EIF2AK3: variants seen among roughly 807,000 people sequenced by gnomAD.
The protein encoded by EIF2AK3 is eukaryotic translation initiation factor 2 alpha kinase 3.
In EIF2AK3, 50 loss-of-function variants were observed where a neutral mutation model predicts 113.5. That is an observed-to-expected ratio of 0.44 (90% CI 0.35 to 0.56). The LOEUF (loss-of-function observed/expected upper bound fraction) is 0.56. Among genes scored for constraint, EIF2AK3 ranks in the 20% least tolerant of loss-of-function variants. The pLI, the probability that EIF2AK3 is intolerant of heterozygous loss-of-function variation, is 0.00. For synonymous variants in EIF2AK3, 448 were observed against 495.4 expected (o/e 0.90, Z 1.27); for missense variants, 1,185 against 1,378.0 (o/e 0.86, Z 2.22).
chr2:88,594,830 T>TAAAAAAAAA (rs58582485), intron 3 of EIF2AK3, among the ~76,000 whole-genome samples: 4 of 115,056 alleles, frequency 3.5e-5, no homozygotes, highest in Non-Finnish European at 5.2e-5. Flanking sequence ...TGTCAAAATG[T>TAAAAAAAAA]AAAAAAAAAA....
chr2:88,559,011 T>G, intron 15 of EIF2AK3, 32 bp from the exon 16 acceptor site: 1 of 1,427,856 alleles, frequency 7.0e-7, no homozygotes, highest in Non-Finnish European at 9.8e-7. Context: ...CTTATTAAGT[T>G]TATTTTGACA....
chr2:88,614,651 T>C lies in EIF2AK3; in HGVS notation c.309-798A>G, dbSNP rs184730856. 2.8e-3 allele frequency among the ~76,000 whole-genome samples: 431 copies of C among 152,282 alleles called. 2 individuals carry two copies. The highest frequency in any genetic ancestry group is 0.01 in the Middle Eastern group (3 of 294). ...TACTTCCCTGACTCCAAGAAACTTCTGACCCTATGAGAACCTACAAGCCAC... is the reference window on the plus strand; with the variant it reads ...TACTTCCCTGACTCCAAGAAACTTCCGACCCTATGAGAACCTACAAGCCAC... On this transcript the variant is annotated intron_variant, in intron 1 of 16. Coordinates refer to ENST00000303236, the MANE Select transcript of EIF2AK3 (RefSeq NM_004836.7).
intron 13 of EIF2AK3, 99 bp downstream of exon 13, chr2:88,574,567 T>C (rs984750664): frequency 1.3e-5 from 18 of 1,428,298 alleles, no homozygotes; most frequent in Non-Finnish European, 1.7e-5. Flanking sequence ...GCTTTTACTC[T>C]CCCCAACTCT....
intron 3 of EIF2AK3, among the ~76,000 whole-genome samples, chr2:88,594,359 G>A (rs1384122642): frequency 6.6e-6 from 1 of 152,166 alleles, no homozygotes; most frequent in Non-Finnish European, 1.5e-5. Flanking sequence ...ACCATCCCCA[G>A]CTAATTTTTT....
rs112158228 is a variant in EIF2AK3, at chr2:88,573,110, C to CTTTTTTTTTTTTT, written c.2817+1543_2817+1555dup. ...TTTCACCCAGGAACAAAAATCTTGG[C>CTTTTTTTTTTTTT]TTTTTTTTTTTTTTTGGTTGGGGGT... On this transcript the variant is annotated intron_variant, in intron 13 of 16. Coordinates refer to ENST00000303236, the MANE Select transcript of EIF2AK3 (RefSeq NM_004836.7). 1.1e-4 allele frequency among the ~76,000 whole-genome samples: 14 copies of CTTTTTTTTTTTTT among 128,338 alleles called. No individual in the cohort carries two copies. The South Asian group carries it at 3.1e-3, about 28-fold the overall frequency. The allele number at this position is 128,338 out of a possible 152,430, so 84.2% of individuals were successfully genotyped here. A position where few individuals can be genotyped will look rare whatever the true frequency, so the allele number is the denominator to read the frequency against.
At chr2:88,577,368 G>A (rs185574808) in intron 11 of EIF2AK3, among the ~76,000 whole-genome samples, 108 of 151,908 alleles carry the variant, frequency 7.1e-4, no homozygotes, top group African/African-American at 2.5e-3. Context: ...TTTCTCTTCT[G>A]GAAATAAATG....
chr2:88,587,068 G>T (rs1043428979), intron 8 of EIF2AK3, among the ~76,000 whole-genome samples: 1 of 151,386 alleles, frequency 6.6e-6, no homozygotes, highest in African/African-American at 2.4e-5. Flanking sequence ...AGCTGGGCGT[G>T]GTGGCGTGCA....
rs570127757 is a variant in EIF2AK3, at chr2:88,575,363, T to C, written c.2120A>G (p.Glu707Gly). ...TGAAGGAGCTATGATTTCAATATGTTCTTTTGTAGCGAAAGGATCCATTCT... is the reference window on the plus strand; with the variant it reads ...TGAAGGAGCTATGATTTCAATATGTCCTTTTGTAGCGAAAGGATCCATTCT... The part of the protein sequence containing the change: ...IRRMDPFATK[E>G]HIEIIAPSPQ... Residue 707 changes from glutamate (E) to glycine (G), a missense_variant, in exon 13 of 17, where the codon GAA (glutamate) becomes GGA (glycine). By Grantham distance (98) the Glu-to-Gly change is moderately conservative. This residue lies in a region of EIF2AK3 where 877 missense variants were observed against 1,024.2 expected (regional missense o/e 0.86). Transcript: ENST00000303236. 2.7e-5 allele frequency: 43 copies of C among 1,614,174 alleles called. No individual in the cohort carries two copies. In the South Asian group the frequency reaches 3.8e-4, roughly 14 times the overall value.
intron 1 of EIF2AK3, among the ~76,000 whole-genome samples, chr2:88,615,188 A>G (rs1675539372): frequency 6.6e-6 from 1 of 152,196 alleles, no homozygotes; most frequent in Non-Finnish European, 1.5e-5. Context: ...TGTTAGTGCA[A>G]GTGAACTGTC....
At chr2:88,559,498 A>C (rs746813180) in intron 15 of EIF2AK3, among the ~76,000 whole-genome samples, 8 of 147,964 alleles carry the variant, frequency 5.4e-5, no homozygotes, top group Non-Finnish European at 1.0e-4. Flanking sequence ...TCCCCTGTGG[A>C]TACCAAGATG....
chr2:88,610,408 C>G (rs1323731499), intron 2 of EIF2AK3, among the ~76,000 whole-genome samples: 2 of 152,152 alleles, frequency 1.3e-5, no homozygotes, highest in Non-Finnish European at 2.9e-5. Flanking sequence ...TGATTCCACA[C>G]TGCAACTAAC....
chr2:88,590,721 G>GCC (rs1674866217), intron 5 of EIF2AK3, 97 bp downstream of exon 5: 11 of 1,560,192 alleles, frequency 7.1e-6, no homozygotes, highest in South Asian at 1.1e-5. Flanking sequence ...CAAGCTGAGA[G>GCC]CCCCAAGTAG....
chr2:88,586,854 A>C (rs546079164), intron 8 of EIF2AK3, among the ~76,000 whole-genome samples: 3 of 151,028 alleles, frequency 2.0e-5, no homozygotes, highest in African/African-American at 7.3e-5. Context: ...AGCCTCCCAA[A>C]GTGCTGGGAT....
intron 1 of EIF2AK3, among the ~76,000 whole-genome samples, chr2:88,614,058 C>T (rs1675516792): frequency 6.6e-6 from 1 of 152,070 alleles, no homozygotes; most frequent in South Asian, 2.1e-4. Flanking sequence ...TTATGAAAAG[C>T]CCCTGACTCA....
At chr2:88,558,461 C>T (rs945955184) in intron 16 of EIF2AK3, among the ~76,000 whole-genome samples, 1 of 152,006 alleles carries the variant, frequency 6.6e-6, no homozygotes, top group Admixed American at 6.6e-5. Context: ...TATGAGCCAC[C>T]CTGGGAATAG....
intron 1 of EIF2AK3, among the ~76,000 whole-genome samples, chr2:88,615,222 C>A (rs1675541061): frequency 6.6e-6 from 1 of 152,238 alleles, no homozygotes; most frequent in African/African-American, 2.4e-5. Context: ...ACCGCCAACA[C>A]CTCCACTTAA....
At chr2:88,606,109 T>C (rs1675265487) in intron 2 of EIF2AK3, among the ~76,000 whole-genome samples, 1 of 152,078 alleles carries the variant, frequency 6.6e-6, no homozygotes, top group East Asian at 1.9e-4. Flanking sequence ...ATAACAATTG[T>C]TTAATTCTTT....
At chr2:88,600,365 T>C (rs1913671) in intron 2 of EIF2AK3, among the ~76,000 whole-genome samples, 45,248 of 151,956 alleles carry the variant, frequency 0.3, 7,669 homozygotes, top group East Asian at 0.51. Flanking sequence ...TGCAAATCTC[T>C]TGGTAGAAAA....
At chr2:88,597,683 C>T (rs2104448621) in intron 2 of EIF2AK3, among the ~76,000 whole-genome samples, 1 of 152,308 alleles carries the variant, frequency 6.6e-6, no homozygotes. Flanking sequence ...TCCTATCTAG[C>T]CTTCAACCTA....
Sources: allele counts gnomAD v4.1 joint callset (sites outside exome capture counted in the v4.1 genomes callset), GRCh38; gene constraint gnomAD v4.1.1; regional missense constraint gnomAD v4.1.1; transcripts MANE v1.5; gene names NCBI Gene and HGNC (gene_info 2026-07-23, HGNC 2026-07-21).